The following TPR variants were observed in gnomAD, a reference collection of about 807,000 sequenced individuals.
TPR encodes the protein translocated promoter region, nuclear basket protein, also known as nucleoprotein TPR.
TPR carries 51 observed loss-of-function variants against 316.1 expected under a neutral mutation model. The observed-to-expected ratio is 0.16, with a 90% CI of 0.13 to 0.20. TPR has a LOEUF of 0.20. Among genes scored for constraint, TPR ranks in the 10% least tolerant of loss-of-function variants. The pLI is 1.00. For missense variants in TPR, 2,272 were observed against 2,754.8 expected (o/e 0.82, Z 3.92); for synonymous variants, 981 against 914.7 (o/e 1.07, Z -1.31).
chr1:186,324,691 A>C (rs942492667), intron 42 of TPR, among the ~76,000 whole-genome samples: 4 of 152,206 alleles, frequency 2.6e-5, no homozygotes, highest in Admixed American at 2.6e-4. Flanking sequence ...GAATTAAACA[A>C]TTCAATACAA....
chr1:186,343,283 CTT>C, intron 27 of TPR, 41 bp downstream of exon 27: 1 of 1,582,332 alleles, frequency 6.3e-7, no homozygotes, highest in Non-Finnish European at 8.6e-7. Flanking sequence ...GAGTGCTTCT[CTT>C]TTGATTTAAC....
chr1:186,358,999 C>A (rs1659108323), intron 12 of TPR, among the ~76,000 whole-genome samples: 1 of 151,968 alleles, frequency 6.6e-6, no homozygotes, highest in Non-Finnish European at 1.5e-5. Context: ...AAGAAAAAAA[C>A]CAGCTGATAT....
chr1:186,335,941 C>T (rs1658327328), intron 33 of TPR, among the ~76,000 whole-genome samples: 1 of 152,006 alleles, frequency 6.6e-6, no homozygotes, highest in Non-Finnish European at 1.5e-5. Context: ...AGGACACTGT[C>T]TTAGAGATCA....
At chr1:186,352,590 C>A (rs1658896374) in intron 18 of TPR, among the ~76,000 whole-genome samples, 1 of 152,126 alleles carries the variant, frequency 6.6e-6, no homozygotes, top group Non-Finnish European at 1.5e-5. Context: ...GTTTTGAAAG[C>A]TCAAAGTACT....
chr1:186,343,802 T>C (rs551046101), intron 26 of TPR, 104 bp downstream of exon 26: 2 of 1,070,624 alleles, frequency 1.9e-6, no homozygotes, highest in East Asian at 2.7e-5. Context: ...AAGAATGAAC[T>C]TTATATCAAA....
At chr1:186,337,273 T>A in intron 31 of TPR, 117 bp from the exon 32 acceptor site, 1 of 1,271,812 alleles carries the variant, frequency 7.9e-7, no homozygotes, top group South Asian at 1.8e-5. Flanking sequence ...CCTGAAGGTA[T>A]TCAAAACAGA....
chr1:186,356,170 T>C (rs942314330), intron 15 of TPR, 116 bp downstream of exon 15: 10 of 868,514 alleles, frequency 1.2e-5, no homozygotes, highest in Middle Eastern at 3.4e-4. Flanking sequence ...AGCAATTATA[T>C]ATGGTAGTCA....
At chr1:186,330,956 TAC>T (rs1658144929) in intron 39 of TPR, among the ~76,000 whole-genome samples, 1 of 152,144 alleles carries the variant, frequency 6.6e-6, no homozygotes, top group African/African-American at 2.4e-5. Flanking sequence ...ATGATATGCT[TAC>T]AGTCACAAAG....
rs945110503 is a variant in TPR at position 186,318,525 on chromosome 1, G to A, written c.6743C>T (p.Thr2248Ile). 6.2e-7 allele frequency: 1 copy of A among 1,614,154 alleles called. No individual in the cohort carries two copies. Among genetic ancestry groups the A allele is most frequent in the African/African-American group, 1.3e-5 (1 of 75,050 alleles). Residue 2248 changes from threonine (T) to isoleucine (I), a missense_variant, in exon 48 of 51, where the codon ACT becomes ATT. This residue lies in a region of TPR where 123 missense variants were observed against 142.3 expected (regional missense o/e 0.86). Transcript: ENST00000367478. ...SQSVPMVTTSTGTLSTTNETA... is the reference protein window; with the variant it reads ...SQSVPMVTTSIGTLSTTNETA... ...TTCATTTGTTGTAGATAAAGTGCCA[G>A]TGGATGTAGTCACCATTGGAACAGA... is the stretch of plus-strand genomic sequence containing the variant.
rs977597377 is a variant in TPR at position 186,313,000 on chromosome 1, A to G, written c.*971T>C. On this transcript the variant is annotated 3_prime_UTR_variant, in exon 51 of 51. Transcript: ENST00000367478. Reference sequence around the variant, plus strand: ...ATGATGACTGAATGTGAGAAGTTACACTACGGTACTTATTCTAATTGCTGT... The same window carrying G: ...ATGATGACTGAATGTGAGAAGTTACGCTACGGTACTTATTCTAATTGCTGT... The G allele has an allele frequency of 6.7e-6, 8 of 1,197,896 alleles. No homozygotes were observed. In the East Asian group the frequency reaches 1.9e-4, roughly 28 times the overall value. The allele number at this position is 1,197,896 out of a possible 1,614,324, so 74.2% of individuals were successfully genotyped here. A position where few individuals can be genotyped will look rare whatever the true frequency, so the allele number is the denominator to read the frequency against.
chr1:186,324,505 A>C (rs1209144672), intron 42 of TPR, among the ~76,000 whole-genome samples: 3 of 152,204 alleles, frequency 2.0e-5, no homozygotes, highest in African/African-American at 7.2e-5. Flanking sequence ...AACTATGAAA[A>C]GTTGAACAGG....
At position 186,341,260 on chromosome 1, in the gene TPR, G is replaced by T. The variant is rs1658498970; in HGVS notation, c.3880C>A (p.Gln1294Lys). The T allele has an allele frequency of 6.2e-7, 1 of 1,613,722 alleles. No individual in the cohort carries two copies. Among genetic ancestry groups the T allele is most frequent in the East Asian group, 2.2e-5 (1 of 44,850 alleles). The part of the protein sequence containing the change: ...ERLEQDLQQM[Q>K]AKVRKLELDI... Reference sequence around the variant, plus strand: ...ATAACTAAGCAACAAACCTTTGCTTGCATTTGCTGTAGATCCTGTTCTAGT... The same window carrying T: ...ATAACTAAGCAACAAACCTTTGCTTTCATTTGCTGTAGATCCTGTTCTAGT... The change falls in exon 28 of 51, where the codon CAA (glutamine) becomes AAA (lysine). Residue 1294 changes from glutamine to lysine, a missense_variant. Physicochemically the swap from Gln to Lys is moderately conservative, Grantham distance 53. Around this residue, in one of 10 missense-constraint regions of TPR, gnomAD observed 757 missense variants for 859.8 expected, o/e 0.88. Transcript: ENST00000367478.
At chr1:186,315,302 T>C (rs756294375) in intron 49 of TPR, among the ~76,000 whole-genome samples, 6 of 151,844 alleles carry the variant, frequency 4.0e-5, no homozygotes, top group Non-Finnish European at 7.4e-5. Flanking sequence ...TAATAAATAT[T>C]TACTTGTTGA....
At chr1:186,373,582 T>A (rs927481689) in intron 1 of TPR, 119 bp from the exon 2 acceptor site, 1 of 570,252 alleles carries the variant, frequency 1.8e-6, no homozygotes, top group Admixed American at 3.1e-5. Context: ...ATTAGAATTG[T>A]GCTCCACATA....
chr1:186,372,312 CG>C (rs2101995041), intron 2 of TPR, among the ~76,000 whole-genome samples: 1 of 152,246 alleles, frequency 6.6e-6, no homozygotes, highest in South Asian at 2.1e-4. Context: ...GACGCCGAGG[CG>C]GGAGAATCGC....
chr1:186,363,466 A>C (rs1193037409), intron 4 of TPR, 21 bp from the exon 5 acceptor site: 2 of 1,497,640 alleles, frequency 1.3e-6, no homozygotes, highest in African/African-American at 2.8e-5. Context: ...GAAGAGAATT[A>C]AAAAATAATA....
chr1:186,340,907 G>T (rs1213622427), intron 29 of TPR, 121 bp downstream of exon 29: 1 of 1,238,920 alleles, frequency 8.1e-7, no homozygotes, highest in Non-Finnish European at 1.1e-6. Flanking sequence ...TAACATAATA[G>T]ACTTTCACTA....
At chr1:186,346,398 GTA>G (rs1658677302) in intron 22 of TPR, 111 bp from the exon 23 acceptor site, 1 of 1,116,812 alleles carries the variant, frequency 9.0e-7, no homozygotes, top group Non-Finnish European at 1.2e-6. Context: ...AATGTTTGTT[GTA>G]TATTAAAAAA....
chr1:186,322,253 AAACT>A, intron 45 of TPR, 61 bp downstream of exon 45: 1 of 1,447,754 alleles, frequency 6.9e-7, no homozygotes, highest in East Asian at 2.4e-5. Context: ...AATGATAAAC[AAACT>A]AACAGAGAAA....
Sources: allele counts gnomAD v4.1 joint callset (sites outside exome capture counted in the v4.1 genomes callset), GRCh38; gene constraint gnomAD v4.1.1; regional missense constraint gnomAD v4.1.1; transcripts MANE v1.5; gene names NCBI Gene and HGNC (gene_info 2026-07-23, HGNC 2026-07-21).